Variants in SLC44A3 observed in about 807,000 individuals in gnomAD.
The protein encoded by SLC44A3 is choline transporter-like protein 3.
In SLC44A3, 74 loss-of-function variants were observed where a neutral mutation model predicts 75.4. The ratio of observed to expected loss-of-function variants is 0.98; its 90% CI spans 0.81 to 1.19. SLC44A3 has a LOEUF of 1.19. Ranked by LOEUF, SLC44A3 falls within the 50% of genes most tolerant of loss-of-function variation. The pLI, the probability that SLC44A3 is intolerant of heterozygous loss-of-function variation, is 0.00. For synonymous variants in SLC44A3, 310 were observed against 296.9 expected (o/e 1.04, Z -0.45); for missense variants, 700 against 778.6 (o/e 0.90, Z 1.20).
intron 9 of SLC44A3, among the ~76,000 whole-genome samples, chr1:94,848,889 C>T (rs1233771341): frequency 6.6e-6 from 1 of 152,040 alleles, no homozygotes; most frequent in Non-Finnish European, 1.5e-5. Context: ...CTGGAAATCG[C>T]CAGGTCAGAA....
At chr1:94,874,604 T>C (rs1422701875) in intron 12 of SLC44A3, among the ~76,000 whole-genome samples, 1 of 152,198 alleles carries the variant, frequency 6.6e-6, no homozygotes. Flanking sequence ...TGCGAGGCAA[T>C]TGAGTGGTCA....
intron 8 of SLC44A3, among the ~76,000 whole-genome samples, chr1:94,842,455 A>G (rs1451705988): frequency 6.6e-6 from 1 of 152,144 alleles, no homozygotes; most frequent in Non-Finnish European, 1.5e-5. Context: ...CCTGTTTGTG[A>G]GGTGCGGCTC....
chr1:94,882,676 G>T (rs1669133148), intron 12 of SLC44A3, among the ~76,000 whole-genome samples: 1 of 152,082 alleles, frequency 6.6e-6, no homozygotes, highest in Non-Finnish European at 1.5e-5. Context: ...CCTGCTGAGT[G>T]CAGAGCTTTG....
intron 12 of SLC44A3, among the ~76,000 whole-genome samples, chr1:94,879,557 A>C (rs1486054194): frequency 0.012 from 968 of 77,956 alleles, 8 homozygotes; most frequent in Non-Finnish European, 0.016. Context: ...AAAAAAAAAA[A>C]GGCTGGGCGC....
intron 12 of SLC44A3, among the ~76,000 whole-genome samples, chr1:94,876,272 T>C (rs1320455791): frequency 6.6e-6 from 1 of 152,202 alleles, no homozygotes; most frequent in Non-Finnish European, 1.5e-5. Flanking sequence ...TTTCCCAAAT[T>C]CACTTAGTGT....
intron 12 of SLC44A3, among the ~76,000 whole-genome samples, chr1:94,884,304 C>T (rs1287193156): frequency 6.6e-6 from 1 of 152,162 alleles, no homozygotes; most frequent in Non-Finnish European, 1.5e-5. Flanking sequence ...ATGCAGGGCC[C>T]TGGAAGGCCC....
In SLC44A3 at chr1:94,892,261, C is replaced by A. The variant is rs374840042; in HGVS notation, c.1621-20C>A. ...GCAACTGATTCATAAAGATTTTCAA[C>A]AAACTCTTCTTTTGCACAGGTGTTA... On this transcript the variant is annotated intron_variant, in intron 13 of 14. Coordinates refer to ENST00000271227, the MANE Select transcript of SLC44A3 (RefSeq NM_001114106.3). 8.6e-5 allele frequency: 137 copies of A among 1,595,980 alleles called. No homozygotes were observed. The African/African-American group carries it at 1.8e-3, about 21-fold the overall frequency.
At chr1:94,866,825 C>T (rs1441352119) in intron 11 of SLC44A3, among the ~76,000 whole-genome samples, 2 of 152,020 alleles carry the variant, frequency 1.3e-5, no homozygotes, top group East Asian at 1.9e-4. Flanking sequence ...TAATTTATCC[C>T]TCGAAATTTA....
intron 5 of SLC44A3, among the ~76,000 whole-genome samples, chr1:94,833,195 A>G (rs945410770): frequency 6.6e-6 from 1 of 152,136 alleles, no homozygotes; most frequent in Non-Finnish European, 1.5e-5. Flanking sequence ...GCAAAAGTGA[A>G]GGAAGAAAAT....
At chr1:94,837,643 T>C in intron 5 of SLC44A3, 68 bp from the exon 6 acceptor site, 1 of 1,458,044 alleles carries the variant, frequency 6.9e-7, no homozygotes, top group African/African-American at 1.4e-5. Context: ...TTGAGAATGT[T>C]AAATAAACAT....
intron 5 of SLC44A3, among the ~76,000 whole-genome samples, chr1:94,834,729 C>T (rs1277064171): frequency 6.6e-6 from 1 of 152,206 alleles, no homozygotes. Context: ...AAGTGATCCA[C>T]TCGCCTCGGC....
rs779346651 is a variant in SLC44A3 at position 94,827,562 on chromosome 1, C to T, written c.334C>T (p.Arg112Cys). ...NLEVKGTQLN[R>C]MALCVSNCPE... ...GGAAGTCAAAGGTACGCAGCTCAAC[C>T]GCATGGCCCTCTGTGTATCCAACTG... The change falls in exon 4 of 15, where the codon CGC (arginine) becomes TGC (cysteine). Residue 112 changes from arginine to cysteine, a missense_variant. Coordinates refer to ENST00000271227, the MANE Select transcript of SLC44A3 (RefSeq NM_001114106.3). 50 of 1,614,088 alleles carry T rather than the reference C, an allele frequency of 3.1e-5. No individual in the cohort carries two copies. The highest frequency in any genetic ancestry group is 4.4e-5 in the South Asian group (4 of 91,094).
At chr1:94,846,244 C>G (rs142674196) in intron 9 of SLC44A3, among the ~76,000 whole-genome samples, 1 of 152,020 alleles carries the variant, frequency 6.6e-6, no homozygotes, top group Non-Finnish European at 1.5e-5. Context: ...ACAAGATTCT[C>G]TCCTCCATCC....
At position 94,820,383 on chromosome 1, in the gene SLC44A3, G is replaced by T. The variant is rs1660376375; in HGVS notation, c.-69G>T. 7.2e-7 allele frequency: 1 copy of T among 1,388,406 alleles called. No homozygotes were observed. The highest frequency in any genetic ancestry group is 3.2e-5 in the East Asian group (1 of 31,542). 86.0% of individuals were successfully genotyped at this position (1,388,406 alleles called of 1,614,324 possible). A position where few individuals can be genotyped will look rare whatever the true frequency, so the allele number is the denominator to read the frequency against. ...GCCCCGGCCCCGGCCCCGGCTCGCGGGCGCTGCGTCTCCGCGTACAGGAGG... is the reference window on the plus strand; with the variant it reads ...GCCCCGGCCCCGGCCCCGGCTCGCGTGCGCTGCGTCTCCGCGTACAGGAGG... On this transcript the variant is annotated 5_prime_UTR_variant, in exon 1 of 15. Coordinates refer to ENST00000271227, the MANE Select transcript of SLC44A3 (RefSeq NM_001114106.3).
chr1:94,867,134 A>G (rs749738140), intron 11 of SLC44A3, among the ~76,000 whole-genome samples, 197 bp from the exon 12 acceptor site: 1 of 152,090 alleles, frequency 6.6e-6, no homozygotes, highest in Non-Finnish European at 1.5e-5. Flanking sequence ...ACGTAAGTCC[A>G]CAAGACAGAA....
At chr1:94,834,470 G>A (rs1006899608) in intron 5 of SLC44A3, among the ~76,000 whole-genome samples, 1 of 152,040 alleles carries the variant, frequency 6.6e-6, no homozygotes, top group African/African-American at 2.4e-5. Flanking sequence ...TAAATAAATG[G>A]GGGGAAGGGA....
chr1:94,827,409 C>G (rs892553472), intron 3 of SLC44A3, 98 bp from the exon 4 acceptor site: 1 of 1,452,344 alleles, frequency 6.9e-7, no homozygotes, highest in Non-Finnish European at 9.5e-7. Context: ...CTGGGTGATC[C>G]CTGCATTTGA....
At chr1:94,886,644 C>A (rs1261935308) in intron 12 of SLC44A3, among the ~76,000 whole-genome samples, 2 of 152,102 alleles carry the variant, frequency 1.3e-5, no homozygotes, top group African/African-American at 4.8e-5. Context: ...CTCTTTGTGG[C>A]CCTCACATGT....
rs532343737 is a variant in SLC44A3, at chr1:94,886,244, G to A, written c.1483-4886G>A. 5.3e-5 allele frequency among the ~76,000 whole-genome samples: 8 copies of A among 152,296 alleles called. No individual in the cohort carries two copies. The South Asian group carries it at 1.0e-3, about 20-fold the overall frequency. On this transcript the variant is annotated intron_variant, in intron 12 of 14. Coordinates refer to ENST00000271227, the MANE Select transcript of SLC44A3 (RefSeq NM_001114106.3). ...TGAGCCTTGGAAGGTGCAGAGCTTC[G>A]TGGCTCAGCAGAAGATGGTGATGAG...
Sources: gnomAD v4.1 joint callset for allele counts (sites outside exome capture counted in the v4.1 genomes callset) on GRCh38, gnomAD v4.1.1 for gene constraint, MANE v1.5 for transcripts, NCBI Gene and HGNC (gene_info 2026-07-23, HGNC 2026-07-21) for gene names.